The following GRIK4 variants were observed in gnomAD, a reference collection of about 807,000 sequenced individuals.
GRIK4 encodes glutamate receptor ionotropic, kainate 4.
In GRIK4, 40 loss-of-function variants were observed where a neutral mutation model predicts 104.9. That is an observed-to-expected ratio of 0.38 (90% confidence interval 0.30 to 0.50). The LOEUF (loss-of-function observed/expected upper bound fraction) is 0.50. Ranked by LOEUF, GRIK4 falls within the 20% of genes least tolerant of loss-of-function variation. GRIK4 has a pLI of 0.93. For missense variants in GRIK4, 1,047 were observed against 1,308.1 expected, an observed-to-expected ratio of 0.80 and a Z score of 3.08; for synonymous variants, 485 against 524.9, an observed-to-expected ratio of 0.92 and a Z score of 1.04.
chr11:120,665,688 C>A (rs1949901831), intron 3 of GRIK4, among the ~76,000 whole-genome samples: 1 of 152,122 alleles, frequency 6.6e-6, no homozygotes, highest in South Asian at 2.1e-4. Context: ...TATTGTCAGC[C>A]CATAAAATAC....
At chr11:120,647,576 G>C (rs572161611) in intron 1 of GRIK4, among the ~76,000 whole-genome samples, 8 of 152,268 alleles carry the variant, frequency 5.3e-5, no homozygotes, top group African/African-American at 1.7e-4. Context: ...ACCATCCTTC[G>C]AACAGCCCTT....
chr11:120,816,290 C>A (rs7104999), intron 5 of GRIK4, among the ~76,000 whole-genome samples: 4 of 151,748 alleles, frequency 2.6e-5, no homozygotes, highest in East Asian at 2.0e-4. Flanking sequence ...CAGATATATC[C>A]TCGGGAGACA....
intron 3 of GRIK4, among the ~76,000 whole-genome samples, chr11:120,797,394 C>T (rs1357932544): frequency 2.0e-5 from 3 of 152,198 alleles, no homozygotes; most frequent in Non-Finnish European, 4.4e-5. Context: ...TATGAGCGTT[C>T]ACTGCACATT....
chr11:120,515,123 C>G, intron 1 of GRIK4: 1 of 444,132 alleles, frequency 2.3e-6, no homozygotes, highest in Non-Finnish European at 4.5e-6. Flanking sequence ...GATCTTGTCC[C>G]CCCTCCCCTG....
chr11:120,834,480 T>G (rs1051915793), intron 7 of GRIK4, among the ~76,000 whole-genome samples: 2 of 152,214 alleles, frequency 1.3e-5, no homozygotes, highest in African/African-American at 4.8e-5. Context: ...CTTTGCCCAT[T>G]TGCCTTCCCA....
intron 3 of GRIK4, among the ~76,000 whole-genome samples, chr11:120,782,451 A>G (rs1952177120): frequency 6.6e-6 from 1 of 151,718 alleles, no homozygotes; most frequent in Non-Finnish European, 1.5e-5. Flanking sequence ...ATACCTGACT[A>G]ATTTTTTGTA....
At chr11:120,591,687 CTCT>C (rs1034438628) in intron 1 of GRIK4, among the ~76,000 whole-genome samples, 50 of 152,156 alleles carry the variant, frequency 3.3e-4, no homozygotes, top group African/African-American at 1.2e-3. Context: ...TTTCCTCTGT[CTCT>C]TTGTCCTAGA....
At chr11:120,731,935 C>T (rs968321945) in intron 3 of GRIK4, among the ~76,000 whole-genome samples, 13 of 151,688 alleles carry the variant, frequency 8.6e-5, no homozygotes, top group African/African-American at 3.1e-4. Context: ...TTGTTTGGAT[C>T]TTCTTTCTTT....
chr11:120,901,661 T>C (rs1429143452), intron 12 of GRIK4, among the ~76,000 whole-genome samples: 1 of 152,124 alleles, frequency 6.6e-6, no homozygotes, highest in Non-Finnish European at 1.5e-5. Flanking sequence ...TCCTACAGGG[T>C]AGGGGTGTCC....
chr11:120,902,093 G>A lies in GRIK4; in HGVS notation c.1273-3197G>A, dbSNP rs552391248. On this transcript the variant is annotated intron_variant, in intron 12 of 20. Coordinates refer to ENST00000527524, the MANE Select transcript of GRIK4 (RefSeq NM_014619.5). The surrounding 1 kb of genome is among the most constrained non-coding windows in gnomAD (Gnocchi z 4.5). The stretch of plus-strand genomic sequence containing the variant: ...GTTTTCCCTGGCAAATGGTAATCCC[G>A]AATGATTTATCCCTTAAAACTCAGC... Among the ~76,000 whole-genome samples the A allele has an allele frequency of 5.9e-5, 9 of 152,258 alleles. No homozygotes were observed. The South Asian group carries it at 1.2e-3, about 21-fold the overall frequency.
intron 3 of GRIK4, among the ~76,000 whole-genome samples, chr11:120,691,792 G>A (rs1197624568): frequency 1.3e-5 from 2 of 152,176 alleles, no homozygotes; most frequent in African/African-American, 2.4e-5. Flanking sequence ...TTCCTGCCTT[G>A]TATGCAGTGG....
At chr11:120,873,055 T>C (rs1006399146) in intron 9 of GRIK4, 7 of 152,274 alleles carry the variant, frequency 4.6e-5, no homozygotes, top group Non-Finnish European at 1.0e-4. Context: ...TAAGGTCCTG[T>C]GTGTTCCCTG....
At chr11:120,783,109 C>T (rs927222836) in intron 3 of GRIK4, among the ~76,000 whole-genome samples, 5 of 152,212 alleles carry the variant, frequency 3.3e-5, no homozygotes, top group African/African-American at 1.2e-4. Flanking sequence ...TGCTGAACTC[C>T]CTACAATGCA....
chr11:120,840,341 A>C (rs1432340438), intron 8 of GRIK4, among the ~76,000 whole-genome samples: 1 of 152,206 alleles, frequency 6.6e-6, no homozygotes, highest in African/African-American at 2.4e-5. Context: ...TCAAAATGAG[A>C]TCTGGGTGGT....
At chr11:120,547,555 G>T (rs1321613996) in intron 1 of GRIK4, among the ~76,000 whole-genome samples, 2 of 151,976 alleles carry the variant, frequency 1.3e-5, no homozygotes, top group African/African-American at 4.8e-5. Flanking sequence ...CACCAGAGGA[G>T]CCAAGCAGGG....
chr11:120,649,663 C>T (rs6589828), intron 1 of GRIK4, among the ~76,000 whole-genome samples: 5,964 of 152,296 alleles, frequency 0.039, 165 homozygotes, highest in Non-Finnish European at 0.057. Context: ...AAGCCCAGCT[C>T]TTCTCAGTCC....
chr11:120,707,686 C>G (rs540241022), intron 3 of GRIK4, among the ~76,000 whole-genome samples: 1 of 152,302 alleles, frequency 6.6e-6, no homozygotes, highest in African/African-American at 2.4e-5. Flanking sequence ...AATCTGTGCT[C>G]CATGTAGCAT....
Position 120,549,058 on chromosome 11 carries a change from C to T in GRIK4, c.-159+37171C>T, listed in dbSNP as rs1325963451. On this transcript the variant is annotated intron_variant, in intron 1 of 20. Coordinates refer to ENST00000527524, the MANE Select transcript of GRIK4 (RefSeq NM_014619.5). The surrounding 1 kb of genome is among the most constrained non-coding windows in gnomAD (Gnocchi z 4.7). Reference sequence around the variant, plus strand: ...TTCCTGGCTTTGTCATCCCAGGCAGCTGTGGTATGAAGGGGGCTCTGAAGG... The same window carrying T: ...TTCCTGGCTTTGTCATCCCAGGCAGTTGTGGTATGAAGGGGGCTCTGAAGG... Among the ~76,000 whole-genome samples the T allele has an allele frequency of 6.6e-6, 1 of 152,020 alleles. No individual in the cohort carries two copies. The highest frequency in any genetic ancestry group is 2.4e-5 in the African/African-American group (1 of 41,394).
chr11:120,568,186 A>G (rs1342229693), intron 1 of GRIK4, among the ~76,000 whole-genome samples: 2 of 152,156 alleles, frequency 1.3e-5, no homozygotes, highest in African/African-American at 4.8e-5. Flanking sequence ...TCAAAAACAA[A>G]CAAACAAACA....
Sources: gnomAD v4.1 joint callset for allele counts (sites outside exome capture counted in the v4.1 genomes callset) on GRCh38, gnomAD v4.1.1 for gene constraint, Gnocchi (gnomAD v3.1) non-coding constraint, MANE v1.5 for transcripts, NCBI Gene and HGNC (gene_info 2026-07-23, HGNC 2026-07-21) for gene names.